RND3: variants seen among roughly 807,000 people sequenced by gnomAD.
RND3 encodes rho-related GTP-binding protein RhoE.
RND3 carries 8 observed loss-of-function variants against 26.5 expected under a neutral mutation model. That is an observed-to-expected ratio of 0.30 (90% CI 0.18 to 0.54). RND3 has a LOEUF of 0.54. RND3 is among the 20% of genes least tolerant of loss of function. The pLI is 0.94. For synonymous variants in RND3, 113 were observed against 113.0 expected (o/e 1.00, Z 0.00); for missense variants, 207 against 302.8 (o/e 0.68, Z 2.35).
At chr2:150,476,755 C>T (rs1382023479) in intron 3 of RND3, among the ~76,000 whole-genome samples, 3 of 152,144 alleles carry the variant, frequency 2.0e-5, no homozygotes, top group Non-Finnish European at 4.4e-5. Context: ...GCTGTGGCTG[C>T]CTTTTCAGTC....
chr2:150,471,099 G>A (rs910668939), intron 5 of RND3, among the ~76,000 whole-genome samples: 1 of 152,116 alleles, frequency 6.6e-6, no homozygotes, highest in Non-Finnish European at 1.5e-5. Context: ...AGAAATGGAA[G>A]ACTAAGAAGA....
At chr2:150,479,276 T>C (rs753231370) in intron 3 of RND3, among the ~76,000 whole-genome samples, 1 of 152,172 alleles carries the variant, frequency 6.6e-6, no homozygotes, top group African/African-American at 2.4e-5. Flanking sequence ...GACACATACC[T>C]GCCTGCTGAA....
At chr2:150,479,114 C>T (rs1316557055) in intron 3 of RND3, among the ~76,000 whole-genome samples, 1 of 152,148 alleles carries the variant, frequency 6.6e-6, no homozygotes, top group East Asian at 1.9e-4. Flanking sequence ...CTCTGAGTTG[C>T]TCAAGTTTGG....
At chr2:150,481,691 T>G (rs966858985) in intron 3 of RND3, among the ~76,000 whole-genome samples, 1 of 152,064 alleles carries the variant, frequency 6.6e-6, no homozygotes, top group Admixed American at 6.6e-5. Flanking sequence ...TTTTTATGTC[T>G]TGTCTAGATG....
At chr2:150,480,448 T>C (rs1012261094) in intron 3 of RND3, among the ~76,000 whole-genome samples, 3 of 152,194 alleles carry the variant, frequency 2.0e-5, no homozygotes, top group Non-Finnish European at 2.9e-5. Flanking sequence ...GAGCCACGAC[T>C]AATTCATTTG....
intron 3 of RND3, among the ~76,000 whole-genome samples, chr2:150,479,425 T>G (rs568401899): frequency 3.9e-5 from 6 of 151,996 alleles, no homozygotes; most frequent in Non-Finnish European, 8.8e-5. Flanking sequence ...TTTAGAGGAG[T>G]TGGAGAACTG....
intron 3 of RND3, among the ~76,000 whole-genome samples, chr2:150,477,553 A>T (rs1337901835): frequency 6.6e-6 from 1 of 152,112 alleles, no homozygotes; most frequent in Admixed American, 6.5e-5. Context: ...ATGGCCACAA[A>T]GGAGATCTGG....
intron 4 of RND3, among the ~76,000 whole-genome samples, chr2:150,472,923 CTACACCAGAGGATTCAAAGGAGTAA>C (rs1686109026): frequency 2.6e-5 from 4 of 152,106 alleles, no homozygotes; most frequent in Admixed American, 2.0e-4. Flanking sequence ...CTAGTGCAAA[CTACACCAGAGGATTCAAAGGAGTAA>C]TATACTTTCC....
Position 150,487,474 on chromosome 2 carries a change from A to AAAAAAAATATATAT in RND3, c.-38-20_-38-19insATATATATTTTTTT. 67 of 200,794 alleles carry AAAAAAAATATATAT rather than the reference A, an allele frequency of 3.3e-4. No individual in the cohort carries two copies. The highest frequency in any genetic ancestry group is 4.9e-4 in the Non-Finnish European group (56 of 114,658). The allele number at this position is 200,794 out of a possible 1,614,324, so 12.4% of individuals were successfully genotyped here. ...ATTTTCTCTTAAGAAGAAAAAAAAA[A>AAAAAAAATATATAT]ATATATATATATATATATATTTCTC... On this transcript the variant is annotated intron_variant, in intron 1 of 5. Coordinates refer to ENST00000263895, the MANE Select transcript of RND3 (RefSeq NM_005168.5).
chr2:150,486,771 G>A lies in RND3; in HGVS notation c.161C>T (p.Pro54Leu), dbSNP rs1283966249. ...GGCCGTGTAATTCTCAAACACTGTA[G>A]GAACGTAATTCTGGATAGACAAAAT... is the stretch of plus-strand genomic sequence containing the variant. ...AKDCFPENYV[P>L]TVFENYTASF... Residue 54 changes from proline to leucine, a missense_variant, in exon 3 of 6, where the codon CCT becomes CTT. Pro to Leu is a moderately conservative substitution (Grantham distance 98, BLOSUM62 -3). Coordinates refer to ENST00000263895, the MANE Select transcript of RND3 (RefSeq NM_005168.5). This position sits in a 1 kb window ranked among gnomAD's most constrained non-coding sequence, Gnocchi z 4.5. The A allele has an allele frequency of 6.2e-7, 1 of 1,611,984 alleles. No individual in the cohort carries two copies. Among genetic ancestry groups the A allele is most frequent in the Non-Finnish European group, 8.5e-7 (1 of 1,178,122 alleles).
At chr2:150,482,796 A>G (rs148604573) in intron 3 of RND3, among the ~76,000 whole-genome samples, 2,188 of 152,106 alleles carry the variant, frequency 0.014, 54 homozygotes, top group African/African-American at 0.051. Flanking sequence ...AAGCCCTAGG[A>G]TGTCTGACAA....
At chr2:150,481,581 G>C (rs1426092647) in intron 3 of RND3, among the ~76,000 whole-genome samples, 1 of 152,094 alleles carries the variant, frequency 6.6e-6, no homozygotes, top group East Asian at 1.9e-4. Flanking sequence ...GTACCTAAGG[G>C]CAGAAGCTGC....
Position 150,487,469 on chromosome 2 carries a change from AAAAAAAT to A in RND3, c.-38-21_-38-15del. On this transcript the variant is annotated splice_polypyrimidine_tract_variant and intron_variant, in intron 1 of 5. Transcript: ENST00000263895. ...CAGGAATTTTCTCTTAAGAAGAAAA[AAAAAAAT>A]ATATATATATATATATATTTCTCTC... 1 of 444,192 alleles carries A rather than the reference AAAAAAAT, an allele frequency of 2.3e-6. No individual in the cohort carries two copies. The highest frequency in any genetic ancestry group is 3.2e-6 in the Non-Finnish European group (1 of 316,194). The allele number at this position is 444,192 out of a possible 1,614,324, so 27.5% of individuals were successfully genotyped here.
intron 5 of RND3, among the ~76,000 whole-genome samples, chr2:150,470,827 C>T (rs1290902045): frequency 6.6e-6 from 1 of 152,216 alleles, no homozygotes; most frequent in East Asian, 1.9e-4. Flanking sequence ...GGGTAAATGG[C>T]ATTCAAGACT....
rs1292656006 is a variant in RND3, at chr2:150,486,586, T to C, written c.238+108A>G. 18 of 836,460 alleles carry C rather than the reference T, an allele frequency of 2.2e-5. No individual in the cohort carries two copies. Among genetic ancestry groups the C allele is most frequent in the Middle Eastern group, 4.8e-4 (2 of 4,198 alleles). The allele number at this position is 836,460 out of a possible 1,614,324, so 51.8% of individuals were successfully genotyped here. The stretch of plus-strand genomic sequence containing the variant: ...GCCCAACAGGGACCGTGGGAATCCC[T>C]TGGGAGGGGCGCAGACGGCTTGTAG... On this transcript the variant is annotated intron_variant, in intron 3 of 5. Coordinates refer to ENST00000263895, the MANE Select transcript of RND3 (RefSeq NM_005168.5). This position sits in a 1 kb window ranked among gnomAD's most constrained non-coding sequence, Gnocchi z 4.5.
chr2:150,469,693 T>C lies in RND3; in HGVS notation c.*294A>G. 2.9e-6 allele frequency: 1 copy of C among 344,054 alleles called. No homozygotes were observed. The highest frequency in any genetic ancestry group is 5.3e-6 in the Non-Finnish European group (1 of 189,980). The allele number at this position is 344,054 out of a possible 1,614,324, so 21.3% of individuals were successfully genotyped here. ...AGCACCATTCAGAGTGTGATTTTTCTTCTTGGAGGTACTCGCATCCCCCCT... is the reference window on the plus strand; with the variant it reads ...AGCACCATTCAGAGTGTGATTTTTCCTCTTGGAGGTACTCGCATCCCCCCT... On this transcript the variant is annotated 3_prime_UTR_variant, in exon 6 of 6. Transcript: ENST00000263895.
At chr2:150,478,579 C>CAAAAAAAAAAAAAAA (rs1229770069) in intron 3 of RND3, among the ~76,000 whole-genome samples, 44 of 106,358 alleles carry the variant, frequency 4.1e-4, no homozygotes, top group African/African-American at 1.4e-3. Context: ...AGCCAAACGG[C>CAAAAAAAAAAAAAAA]AAAAAAAAAA....
At chr2:150,471,564 A>C (rs1202263461) in intron 5 of RND3, 63 bp downstream of exon 5, 107 of 1,344,470 alleles carry the variant, frequency 8.0e-5, no homozygotes, top group Non-Finnish European at 1.1e-4. Flanking sequence ...ATTTATTATG[A>C]GTGATAGTCC....
chr2:150,486,249 C>T lies in RND3; in HGVS notation c.238+445G>A, dbSNP rs76914109. Reference sequence around the variant, plus strand: ...ACCGCGTCGCCTCTGGGATTTTCTCCCGCCTCCCATCACCCCCGCGGCGCT... The same window carrying T: ...ACCGCGTCGCCTCTGGGATTTTCTCTCGCCTCCCATCACCCCCGCGGCGCT... On this transcript the variant is annotated intron_variant, in intron 3 of 5. Transcript: ENST00000263895. This position sits in a 1 kb window ranked among gnomAD's most constrained non-coding sequence, Gnocchi z 4.5. Among the ~76,000 whole-genome samples, 1,345 of 152,284 alleles carry T rather than the reference C, an allele frequency of 8.8e-3. 17 individuals are homozygous for T. The highest frequency in any genetic ancestry group is 0.03 in the African/African-American group (1,234 of 41,568).
Sources: allele counts gnomAD v4.1 joint callset (sites outside exome capture counted in the v4.1 genomes callset), GRCh38; gene constraint gnomAD v4.1.1; non-coding constraint Gnocchi (gnomAD v3.1); transcripts MANE v1.5; gene names NCBI Gene and HGNC (gene_info 2026-07-23, HGNC 2026-07-21).